C11orf65: variants seen among roughly 807,000 people sequenced by gnomAD.
The protein encoded by C11orf65 is chromosome 11 open reading frame 65, also known as protein MFI.
In C11orf65, 38 loss-of-function variants were observed where a neutral mutation model predicts 35.3. The observed-to-expected ratio is 1.08, with a 90% CI of 0.83 to 1.41. The LOEUF (loss-of-function observed/expected upper bound fraction) is 1.41. Among genes scored for constraint, C11orf65 ranks in the 40% most tolerant of loss-of-function variants. C11orf65 has a pLI of 0.00. For missense variants in C11orf65, 370 were observed against 367.1 expected (o/e 1.01, Z -0.06); for synonymous variants, 105 against 114.4 (o/e 0.92, Z 0.53).
intron 2 of C11orf65, among the ~76,000 whole-genome samples, chr11:108,440,486 C>A (rs752861371): frequency 1.3e-5 from 2 of 152,160 alleles, no homozygotes; most frequent in Non-Finnish European, 2.9e-5. Context: ...TCTCTTGGTT[C>A]TTTTCCTTAT....
At chr11:108,392,058 G>C (rs181936707) in intron 7 of C11orf65, among the ~76,000 whole-genome samples, 1,883 of 150,448 alleles carry the variant, frequency 0.013, 19 homozygotes, top group Non-Finnish European at 0.021. Context: ...TTGGCTTTTT[G>C]TGTGTGTGTG....
At chr11:108,328,952 A>C, downstream of C11orf65, 3 of 1,456,976 alleles carry the variant, frequency 2.1e-6, no homozygotes, top group Non-Finnish European at 2.9e-6. Flanking sequence ...TATTACCTTA[A>C]TTTGAGTGAT....
chr11:108,443,238 G>A (rs542484255), intron 2 of C11orf65, among the ~76,000 whole-genome samples: 17 of 152,156 alleles, frequency 1.1e-4, no homozygotes, highest in East Asian at 3.9e-4. Flanking sequence ...AGGCCATTAC[G>A]TAATTATAAA....
rs764642720 is a variant in C11orf65, at chr11:108,383,114, C to A, written c.849G>T (p.Met283Ile). The A allele has an allele frequency of 6.2e-7, 1 of 1,612,248 alleles. No individual in the cohort carries two copies. The highest frequency in any genetic ancestry group is 2.2e-5 in the East Asian group (1 of 44,812). The change falls in exon 9 of 9, where the codon ATG becomes ATT. Residue 283 changes from methionine to isoleucine, a missense_variant. By Grantham distance (10) the Met-to-Ile change is conservative (BLOSUM62 1). Transcript: ENST00000393084. ...IYNYGGDISK[M>I]QMGIPDDTYY... ...AAGTATCATCTGGTATTCCCATTTG[C>A]ATCTTTGATATGTCTCCTCCATAGT... is the stretch of plus-strand genomic sequence containing the variant.
In C11orf65 at chr11:108,316,068, C is replaced by G. The variant is rs876658452; in HGVS notation, c.641-6997G>C. The G allele has an allele frequency of 6.2e-7, 1 of 1,614,050 alleles. No homozygotes were observed. Among genetic ancestry groups the G allele is most frequent in the Non-Finnish European group, 8.5e-7 (1 of 1,179,994 alleles). On this transcript the variant is annotated intron_variant, in intron 6 of 6. Transcript: ENST00000525729. ...GCAAAGCCCTAGTAACATATGACCT[C>G]GAAACAGCAATCCCCTCATCAACAC...
downstream of C11orf65, among the ~76,000 whole-genome samples, chr11:108,381,191 C>G (rs2091858423): frequency 6.6e-6 from 1 of 152,110 alleles, no homozygotes; most frequent in African/African-American, 2.4e-5. Flanking sequence ...ACATATGGGT[C>G]CAAGAACCAA....
chr11:108,436,288 G>A (rs574615230), intron 2 of C11orf65, among the ~76,000 whole-genome samples: 10 of 152,094 alleles, frequency 6.6e-5, no homozygotes, highest in Non-Finnish European at 1.0e-4. Context: ...CTCCAGAACC[G>A]TAAGATAATA....
chr11:108,342,544 A>AG (rs1043469581), intron 2 of C11orf65, among the ~76,000 whole-genome samples: 3 of 152,158 alleles, frequency 2.0e-5, no homozygotes, highest in African/African-American at 7.2e-5. Context: ...TGATGGTGGG[A>AG]GGGACTTAGG....
rs538979386 is a variant in C11orf65, at chr11:108,449,480, C to T, written c.81+11999G>A. On this transcript the variant is annotated intron_variant, in intron 2 of 8. Coordinates refer to ENST00000393084, the MANE Select transcript of C11orf65 (RefSeq NM_152587.5). ...AGAACAGAGTCCTCAGAAATAATGCCGCATATCTACAACCATCTGCTCTTT... is the reference window on the plus strand; with the variant it reads ...AGAACAGAGTCCTCAGAAATAATGCTGCATATCTACAACCATCTGCTCTTT... Among the ~76,000 whole-genome samples the T allele has an allele frequency of 7.9e-5, 12 of 151,966 alleles. No individual in the cohort carries two copies. The South Asian group carries it at 1.5e-3, about 18-fold the overall frequency.
chr11:108,436,112 A>G (rs80070295), intron 2 of C11orf65, among the ~76,000 whole-genome samples: 1 of 139,742 alleles, frequency 7.2e-6, no homozygotes, highest in Non-Finnish European at 1.6e-5. Flanking sequence ...TTTTAGGAGG[A>G]AAAAAAAAAA....
rs1475776863 is a variant in C11orf65, at chr11:108,319,354, CT to C, written c.641-10284del. On this transcript the variant is annotated intron_variant, in intron 6 of 6. Transcript: ENST00000525729. ...CCTCTTGTATTTCAGCTACACAGAC[CT>C]CTCTGTGTTTTCTTGTCAGGCCAAG... Among the ~76,000 whole-genome samples, 10 of 152,190 alleles carry C rather than the reference CT, an allele frequency of 6.6e-5. No individual in the cohort carries two copies. In the South Asian group the frequency reaches 8.3e-4, roughly 13 times the overall value.
At chr11:108,447,148 C>G (rs1053173105) in intron 2 of C11orf65, among the ~76,000 whole-genome samples, 8 of 152,176 alleles carry the variant, frequency 5.3e-5, no homozygotes, top group Admixed American at 4.6e-4. Context: ...CCTGAGTGAC[C>G]TACAAAGGGA....
chr11:108,421,875 C>T (rs1283327837), intron 3 of C11orf65, among the ~76,000 whole-genome samples: 1 of 152,128 alleles, frequency 6.6e-6, no homozygotes, highest in African/African-American at 2.4e-5. Context: ...AAAAGCATTC[C>T]CCTGGTTGCT....
At chr11:108,317,672 C>CAT in intron 6 of C11orf65, 1 of 228,322 alleles carries the variant, frequency 4.4e-6, no homozygotes, top group Non-Finnish European at 7.5e-6. Flanking sequence ...CACACACACA[C>CAT]ACTATATATA....
intron 2 of C11orf65, among the ~76,000 whole-genome samples, chr11:108,358,114 C>G (rs1469479180): frequency 6.6e-6 from 1 of 151,164 alleles, no homozygotes; most frequent in African/African-American, 2.4e-5. Context: ...GCTGATGGAG[C>G]TGAAAATCAA....
intron 3 of C11orf65, among the ~76,000 whole-genome samples, chr11:108,423,706 A>G (rs1433731266): frequency 6.6e-6 from 1 of 152,170 alleles, no homozygotes; most frequent in Non-Finnish European, 1.5e-5. Context: ...AAGCTTCCAG[A>G]GGAAGGAACA....
At chr11:108,438,157 A>G (rs922064341) in intron 2 of C11orf65, among the ~76,000 whole-genome samples, 1 of 152,246 alleles carries the variant, frequency 6.6e-6, no homozygotes, top group Admixed American at 6.5e-5. Context: ...TGAAGAGGAC[A>G]GTATTTTCAA....
chr11:108,390,893 A>G (rs921729859), intron 7 of C11orf65, among the ~76,000 whole-genome samples: 1 of 152,172 alleles, frequency 6.6e-6, no homozygotes, highest in Non-Finnish European at 1.5e-5. Flanking sequence ...AGCATCTACT[A>G]TGGACACTTA....
At position 108,382,911 on chromosome 11, in the gene C11orf65, G is replaced by T; in HGVS notation, c.*110C>A. 6.4e-7 allele frequency: 1 copy of T among 1,555,096 alleles called. No homozygotes were observed. The highest frequency in any genetic ancestry group is 8.6e-7 in the Non-Finnish European group (1 of 1,161,970). On this transcript the variant is annotated 3_prime_UTR_variant, in exon 9 of 9. Coordinates refer to ENST00000393084, the MANE Select transcript of C11orf65 (RefSeq NM_152587.5). ...TCCTTACTTAACTGAGCTAGATTCT[G>T]TGCCCAGAATATATACACAAGTTAT...
Sources: allele counts gnomAD v4.1 joint callset (sites outside exome capture counted in the v4.1 genomes callset), GRCh38; gene constraint gnomAD v4.1.1; transcripts MANE v1.5; gene names NCBI Gene and HGNC (gene_info 2026-07-23, HGNC 2026-07-21).